The following NRG1 variants were observed in gnomAD, a reference collection of about 807,000 sequenced individuals.
NRG1 encodes pro-neuregulin-1, membrane-bound isoform.
In NRG1, 18 loss-of-function variants were observed where a neutral mutation model predicts 63.8. The observed-to-expected ratio is 0.28, with a 90% CI of 0.19 to 0.42. The LOEUF (loss-of-function observed/expected upper bound fraction) is 0.42. NRG1 is among the 10% of genes least tolerant of loss of function. The pLI is 1.00. For synonymous variants in NRG1, 302 were observed against 301.3 expected (o/e 1.00, Z -0.02); for missense variants, 762 against 814.7 (o/e 0.94, Z 0.79).
chr8:32,710,959 C>A (rs953183880), intron 5 of NRG1, among the ~76,000 whole-genome samples: 3 of 152,042 alleles, frequency 2.0e-5, no homozygotes, highest in Admixed American at 1.3e-4. Context: ...GTATGCACAA[C>A]CTAAAGGTAA....
At chr8:31,793,117 A>G (rs1047031971) in intron 1 of NRG1, among the ~76,000 whole-genome samples, 1 of 152,216 alleles carries the variant, frequency 6.6e-6, no homozygotes, top group Non-Finnish European at 1.5e-5. Context: ...TATTCCAGCT[A>G]TGTTATAATA....
At chr8:32,310,138 A>G (rs2129475876) in intron 1 of NRG1, among the ~76,000 whole-genome samples, 1 of 152,364 alleles carries the variant, frequency 6.6e-6, no homozygotes, top group East Asian at 1.9e-4. Context: ...GAGGGGAAAA[A>G]GGACAAGCAG....
At chr8:32,747,732 G>GTATATA (rs35663919) in intron 7 of NRG1, among the ~76,000 whole-genome samples, 4,678 of 132,006 alleles carry the variant, frequency 0.035, 98 homozygotes, top group Admixed American at 0.046. Context: ...ATGTGTGTGT[G>GTATATA]TATATATATA....
intron 5 of NRG1, among the ~76,000 whole-genome samples, chr8:32,712,995 G>A (rs1818191667): frequency 6.6e-6 from 1 of 152,090 alleles, no homozygotes; most frequent in Non-Finnish European, 1.5e-5. Context: ...TTGTTACGTT[G>A]AGCCTGAAGC....
intron 1 of NRG1, among the ~76,000 whole-genome samples, chr8:32,389,133 C>T (rs1280105387): frequency 6.6e-6 from 1 of 152,180 alleles, no homozygotes; most frequent in Non-Finnish European, 1.5e-5. Context: ...TCATTGCAAC[C>T]TTGACTGTCC....
intron 1 of NRG1, among the ~76,000 whole-genome samples, chr8:31,667,109 A>T (rs758652615): frequency 6.6e-5 from 10 of 152,216 alleles, no homozygotes; most frequent in Non-Finnish European, 1.0e-4. Flanking sequence ...GTCTCAATTC[A>T]TATCACCTTG....
intron 1 of NRG1, among the ~76,000 whole-genome samples, chr8:31,728,991 T>A (rs1813737780): frequency 6.6e-6 from 1 of 152,228 alleles, no homozygotes; most frequent in Non-Finnish European, 1.5e-5. Flanking sequence ...CTAAGGGTCA[T>A]CTGGTTCTGG....
intron 1 of NRG1, among the ~76,000 whole-genome samples, chr8:32,224,711 T>G (rs1218222933): frequency 3.9e-5 from 6 of 152,214 alleles, no homozygotes; most frequent in African/African-American, 1.4e-4. Context: ...TGAACTAATT[T>G]TACTGAAAGA....
chr8:32,224,051 C>T lies in NRG1; in HGVS notation c.38-371777C>T, dbSNP rs553625940. On this transcript the variant is annotated intron_variant, in intron 1 of 10. Transcript: ENST00000519301. ...CATGTAAGCTCTGCCCTCCACAACT[C>T]ACCCTGTGACTGCAAAATGAGATAG... Among the ~76,000 whole-genome samples, 40 of 152,144 alleles carry T rather than the reference C, an allele frequency of 2.6e-4. 1 individual carries two copies. The highest frequency in any genetic ancestry group is 5.3e-4 in the Non-Finnish European group (36 of 68,028).
intron 1 of NRG1, among the ~76,000 whole-genome samples, chr8:32,001,460 T>C (rs1277306964): frequency 6.6e-6 from 1 of 152,082 alleles, no homozygotes; most frequent in East Asian, 1.9e-4. Flanking sequence ...ATTAGACCTC[T>C]TTCCTTTATA....
At chr8:32,269,152 G>A (rs1851293048) in intron 1 of NRG1, among the ~76,000 whole-genome samples, 1 of 150,380 alleles carries the variant, frequency 6.6e-6, no homozygotes. Flanking sequence ...TATTAGAATA[G>A]TATCAAAGAC....
chr8:32,302,817 A>G (rs1159768404), intron 1 of NRG1, among the ~76,000 whole-genome samples: 2 of 146,484 alleles, frequency 1.4e-5, no homozygotes. Flanking sequence ...ATAATGAAAT[A>G]AAAATTAGTA....
chr8:32,076,478 T>C (rs1462882), intron 1 of NRG1, among the ~76,000 whole-genome samples: 2,985 of 152,328 alleles, frequency 0.02, 92 homozygotes, highest in African/African-American at 0.068. Flanking sequence ...CGTTGAGTGT[T>C]TGTATTCATT....
intron 1 of NRG1, among the ~76,000 whole-genome samples, chr8:32,296,820 T>A (rs886983084): frequency 1.4e-4 from 21 of 152,202 alleles, no homozygotes; most frequent in African/African-American, 4.8e-4. Flanking sequence ...TTCATATTTT[T>A]AAAACATATT....
intron 1 of NRG1, among the ~76,000 whole-genome samples, chr8:32,376,230 A>G (rs532957345): frequency 5.2e-4 from 79 of 152,344 alleles, no homozygotes; most frequent in African/African-American, 1.7e-3. Context: ...CAGGCTTCCT[A>G]ATATTCAGAG....
Position 32,105,182 on chromosome 8 carries a change from T to C in NRG1, c.37+465751T>C, listed in dbSNP as rs370000296. Among the ~76,000 whole-genome samples, 127 of 152,246 alleles carry C rather than the reference T, an allele frequency of 8.3e-4. 2 individuals are homozygous for C. The highest frequency in any genetic ancestry group is 2.9e-3 in the African/African-American group (120 of 41,552). On this transcript the variant is annotated intron_variant, in intron 1 of 10. Transcript: ENST00000519301. ...AAATTTTTTAGCTCTGTTATAACCT[T>C]ATAGGTCCACATCATATAGGCAATC...
intron 1 of NRG1, among the ~76,000 whole-genome samples, chr8:31,953,260 G>A (rs1022415853): frequency 3.9e-5 from 6 of 152,152 alleles, no homozygotes; most frequent in Non-Finnish European, 7.3e-5. Flanking sequence ...CAAATATGAC[G>A]GATGGATAGA....
intron 1 of NRG1, among the ~76,000 whole-genome samples, chr8:32,349,246 G>C (rs944779683): frequency 6.6e-6 from 1 of 152,154 alleles, no homozygotes; most frequent in African/African-American, 2.4e-5. Flanking sequence ...ATGGGGCTGC[G>C]CTGTTAGGGA....
At position 32,597,843 on chromosome 8, in the gene NRG1, A is replaced by G. The variant is rs140053026; in HGVS notation, c.278+1838A>G. Among the ~76,000 whole-genome samples the G allele has an allele frequency of 2.3e-3, 346 of 152,302 alleles. 2 individuals are homozygous for G. The highest frequency in any genetic ancestry group is 3.0e-3 in the Non-Finnish European group (204 of 68,004). ...GACTCTAAGTCTCATGTTTAACAGC[A>G]TATGTGCATGAGGGGAGGAGGAAAT... On this transcript the variant is annotated intron_variant, in intron 2 of 11. Transcript: ENST00000356819.
Sources: allele counts gnomAD v4.1 joint callset (sites outside exome capture counted in the v4.1 genomes callset), GRCh38; gene constraint gnomAD v4.1.1; transcripts MANE v1.5; gene names NCBI Gene and HGNC (gene_info 2026-07-23, HGNC 2026-07-21).